Variants in PILRA observed in about 807,000 individuals in gnomAD.
PILRA encodes the protein paired immunoglobulin-like type 2 receptor alpha.
Under a neutral mutation model 33.1 loss-of-function variants are expected in PILRA, and 37 were observed. The observed-to-expected ratio is 1.12, with a 90% CI of 0.86 to 1.47. The LOEUF is 1.47. Among genes scored for constraint, PILRA ranks in the 40% most tolerant of loss-of-function variants. The pLI is 0.00. For synonymous variants in PILRA, 146 were observed against 149.9 expected (o/e 0.97, Z 0.19); for missense variants, 312 against 376.2 (o/e 0.83, Z 1.41).
intron 5 of PILRA, 86 bp downstream of exon 5, chr7:100,399,426 TGTCA>T (rs1584231968): frequency 1.2e-5 from 17 of 1,390,084 alleles, no homozygotes; most frequent in Non-Finnish European, 1.5e-5. Flanking sequence ...TCCGTGCCCC[TGTCA>T]GTATTTTCTT....
chr7:100,379,529 G>A (rs925588575), intron 2 of PILRA, among the ~76,000 whole-genome samples: 2 of 151,806 alleles, frequency 1.3e-5, no homozygotes, highest in Non-Finnish European at 1.5e-5. Flanking sequence ...TTAGTTGGGC[G>A]TGGTAGCACG....
upstream of PILRA, among the ~76,000 whole-genome samples, chr7:100,372,797 C>T (rs1263089649): frequency 2.0e-5 from 3 of 152,144 alleles, no homozygotes; most frequent in African/African-American, 4.8e-5. Context: ...TGAGGGGGCT[C>T]CAGTCCTGTA....
chr7:100,394,322 G>A (rs1188685656), intron 3 of PILRA, among the ~76,000 whole-genome samples: 1 of 152,118 alleles, frequency 6.6e-6, no homozygotes, highest in Non-Finnish European at 1.5e-5. Context: ...AGCTTATTCT[G>A]TGAGGTCAGC....
chr7:100,390,272 C>A (rs1791361249), intron 3 of PILRA, among the ~76,000 whole-genome samples, 166 bp downstream of exon 3: 1 of 152,154 alleles, frequency 6.6e-6, no homozygotes, highest in South Asian at 2.1e-4. Flanking sequence ...TTGTGAGGCT[C>A]CTGCAGTGGG....
intron 3 of PILRA, among the ~76,000 whole-genome samples, chr7:100,394,593 C>CAAA (rs60131231): frequency 5.1e-4 from 24 of 47,280 alleles, no homozygotes; most frequent in East Asian, 7.8e-4. Context: ...GATTCTATCT[C>CAAA]AAAAAAAAAA....
At chr7:100,394,988 T>C (rs993256326) in intron 3 of PILRA, among the ~76,000 whole-genome samples, 1 of 152,176 alleles carries the variant, frequency 6.6e-6, no homozygotes, top group Non-Finnish European at 1.5e-5. Context: ...AACTTAAACA[T>C]GTTTTTTCAT....
At chr7:100,380,550 C>T (rs772209435) in intron 2 of PILRA, among the ~76,000 whole-genome samples, 3 of 152,090 alleles carry the variant, frequency 2.0e-5, no homozygotes, top group Non-Finnish European at 4.4e-5. Flanking sequence ...AATTCCTGCA[C>T]TTAGGGAGTC....
chr7:100,381,935 C>G (rs1037674848), intron 2 of PILRA, among the ~76,000 whole-genome samples: 3 of 152,210 alleles, frequency 2.0e-5, no homozygotes, highest in African/African-American at 7.2e-5. Flanking sequence ...CGATTTCTCG[C>G]CAGGCCTTAG....
intron 1 of PILRA, 119 bp downstream of exon 1, chr7:100,373,839 G>A (rs1350956594): frequency 4.3e-6 from 6 of 1,381,492 alleles, no homozygotes; most frequent in East Asian, 2.4e-5. Context: ...AAACAAGGGC[G>A]GGTCCCACAG....
chr7:100,399,649 G>C, intron 6 of PILRA, 37 bp downstream of exon 6: 3 of 1,613,628 alleles, frequency 1.9e-6, no homozygotes, highest in South Asian at 1.1e-5. Flanking sequence ...GAATTAAAGA[G>C]AAGCCTGGAG....
At chr7:100,387,272 A>G (rs2130205698) in intron 2 of PILRA, among the ~76,000 whole-genome samples, 1 of 152,332 alleles carries the variant, frequency 6.6e-6, no homozygotes, top group African/African-American at 2.4e-5. Context: ...GGGGTACAGT[A>G]GCATGATCTT....
chr7:100,395,529 TG>T (rs1361069206), intron 3 of PILRA, among the ~76,000 whole-genome samples: 3 of 152,172 alleles, frequency 2.0e-5, no homozygotes, highest in Admixed American at 1.3e-4. Context: ...GAAACAAATT[TG>T]TTTTTTTATA....
intron 2 of PILRA, among the ~76,000 whole-genome samples, chr7:100,378,284 T>G (rs1196485782): frequency 6.6e-6 from 1 of 151,730 alleles, no homozygotes; most frequent in Non-Finnish European, 1.5e-5. Context: ...GCCAGGAGGT[T>G]GGGGCTGCAA....
At chr7:100,395,201 G>A (rs1439765420) in intron 3 of PILRA, among the ~76,000 whole-genome samples, 4 of 152,214 alleles carry the variant, frequency 2.6e-5, no homozygotes, top group African/African-American at 2.4e-5. Flanking sequence ...GGTCTGAAAT[G>A]TGTCTCCTCA....
rs377572549 is a variant in PILRA at position 100,373,697 on chromosome 7, T to C, written c.41T>C (p.Leu14Pro). ...PLLLPLLPLL[L>P]PPAFLQPSGS... ...CTGCTGCCCCTACTGCCCTTGCTGC[T>C]GCCGCCAGCATTTCTGCAGCCTAGT... is the stretch of plus-strand genomic sequence containing the variant. Residue 14 changes from leucine (L) to proline (P), a missense_variant, in exon 1 of 7, where the codon CTG becomes CCG. By Grantham distance (98) the Leu-to-Pro change is moderately conservative (BLOSUM62 -3). Transcript: ENST00000198536. The C allele has an allele frequency of 8.1e-6, 13 of 1,613,318 alleles. No homozygotes were observed. Among genetic ancestry groups the C allele is most frequent in the South Asian group, 1.1e-5 (1 of 91,086 alleles).
intron 2 of PILRA, among the ~76,000 whole-genome samples, chr7:100,388,176 C>T (rs1426753637): frequency 6.6e-6 from 1 of 151,956 alleles, no homozygotes; most frequent in East Asian, 1.9e-4. Context: ...TTAAAATTCC[C>T]AATCAAGACA....
rs561764620 is a variant in PILRA, at chr7:100,398,407, G to C, written c.707+495G>C. ...GCCTCTGCCTGGCTCCCCTCTCCAGGCTAGGGCCTCACTTTTCCTTTTTCT... is the reference window on the plus strand; with the variant it reads ...GCCTCTGCCTGGCTCCCCTCTCCAGCCTAGGGCCTCACTTTTCCTTTTTCT... On this transcript the variant is annotated intron_variant, in intron 4 of 6. Transcript: ENST00000198536. Among the ~76,000 whole-genome samples the C allele has an allele frequency of 8.5e-5, 13 of 152,188 alleles. 1 individual carries two copies. In the South Asian group the frequency reaches 2.3e-3, roughly 27 times the overall value.
Position 100,399,937 on chromosome 7 carries a change from G to C in PILRA, c.*30G>C. On this transcript the variant is annotated 3_prime_UTR_variant, in exon 7 of 7. Coordinates refer to ENST00000198536, the MANE Select transcript of PILRA (RefSeq NM_013439.3). The stretch of plus-strand genomic sequence containing the variant: ...TGGACAGCCCTCTCAAGACTGAATG[G>C]TGAGGCCAGGTACAGTGGCGCACAC... 1.3e-6 allele frequency: 2 copies of C among 1,567,924 alleles called. No individual in the cohort carries two copies. Among genetic ancestry groups the C allele is most frequent in the Non-Finnish European group, 1.7e-6 (2 of 1,156,752 alleles).
intron 2 of PILRA, 47 bp downstream of exon 2, chr7:100,374,480 T>G: frequency 1.2e-6 from 2 of 1,609,216 alleles, no homozygotes; most frequent in Non-Finnish European, 1.7e-6. Flanking sequence ...GCAGTGAGGC[T>G]TTTATGATCA....
Sources: gnomAD v4.1 joint callset for allele counts (sites outside exome capture counted in the v4.1 genomes callset) on GRCh38, gnomAD v4.1.1 for gene constraint, MANE v1.5 for transcripts, NCBI Gene and HGNC (gene_info 2026-07-23, HGNC 2026-07-21) for gene names.